Variants in ZNF518B observed in about 807,000 individuals in gnomAD.
ZNF518B encodes zinc finger protein 518B.
ZNF518B carries 23 observed loss-of-function variants against 56.3 expected under a neutral mutation model. The observed-to-expected ratio is 0.41, with a 90% CI of 0.29 to 0.58. The LOEUF is 0.58. ZNF518B is among the 20% of genes least tolerant of loss of function. ZNF518B has a pLI of 0.32. For missense variants in ZNF518B, 1,460 were observed against 1,272.1 expected, an observed-to-expected ratio of 1.15 and a Z score of -2.25; for synonymous variants, 529 against 465.9, an observed-to-expected ratio of 1.14 and a Z score of -1.74.
At chr4:10,453,825 C>G (rs1217134256) in intron 2 of ZNF518B, 1 of 152,112 alleles carries the variant, frequency 6.6e-6, no homozygotes, top group Non-Finnish European at 1.5e-5. Flanking sequence ...CCCATTAAAC[C>G]AGTAGTTCTT....
At position 10,445,004 on chromosome 4, in the gene ZNF518B, A is replaced by G; in HGVS notation, c.1325T>C (p.Met442Thr). The change falls in exon 3 of 3, where the codon ATG becomes ACG. Residue 442 changes from methionine (M) to threonine (T), a missense_variant. By Grantham distance (81) the Met-to-Thr change is moderately conservative (BLOSUM62 -1). Coordinates refer to ENST00000326756, the MANE Select transcript of ZNF518B (RefSeq NM_053042.3). The part of the protein sequence containing the change: ...VKWVRSYDFI[M>T]PNSSVHNNGK... ...ATTGTTGTGCACACTAGAATTTGGC[A>G]TAATAAAATCATAAGACCTTACCCA... The G allele has an allele frequency of 6.2e-7, 1 of 1,614,212 alleles. No homozygotes were observed. Among genetic ancestry groups the G allele is most frequent in the South Asian group, 1.1e-5 (1 of 91,078 alleles).
At position 10,445,360 on chromosome 4, in the gene ZNF518B, A is replaced by G. The variant is rs770875013; in HGVS notation, c.969T>C (p.Val323=). 2 of 1,614,236 alleles carry G rather than the reference A, an allele frequency of 1.2e-6. No homozygotes were observed. The highest frequency in any genetic ancestry group is 1.3e-5 in the African/African-American group (1 of 75,060). The change falls in exon 3 of 3, where the codon GTT becomes GTC. Residue 323 remains valine, a synonymous_variant. Transcript: ENST00000326756. ...CAACTGTCAATGGCATACCTGGCTG[A>G]ACAGGTTCTTTTGCAGGGGATAACA... ...VEVLSPAKEP[V]QPGMPLTVVA...
At chr4:10,453,154 A>G (rs1248964296) in intron 2 of ZNF518B, 1 of 152,244 alleles carries the variant, frequency 6.6e-6, no homozygotes, top group East Asian at 1.9e-4. Flanking sequence ...TATACAGCTG[A>G]TGTGAGGACA....
intron 2 of ZNF518B, chr4:10,451,109 T>G (rs901229162): frequency 1.3e-5 from 2 of 152,198 alleles, no homozygotes; most frequent in Non-Finnish European, 2.9e-5. Flanking sequence ...CCTGAATGCA[T>G]TCACTGTTGG....
intron 2 of ZNF518B, chr4:10,450,749 T>A (rs1253089941): frequency 6.6e-6 from 1 of 152,088 alleles, no homozygotes; most frequent in Admixed American, 6.5e-5. Context: ...ACTCAATAAA[T>A]TACTATTAAC....
intron 2 of ZNF518B, chr4:10,453,381 G>C (rs1037511787): frequency 6.6e-6 from 1 of 152,134 alleles, no homozygotes; most frequent in Non-Finnish European, 1.5e-5. Context: ...AGGAAGTGAG[G>C]GTCTTCTCCC....
chr4:10,444,325 C>T lies in ZNF518B; in HGVS notation c.2004G>A (p.Lys668=). The T allele has an allele frequency of 6.2e-7, 1 of 1,614,216 alleles. No homozygotes were observed. The highest frequency in any genetic ancestry group is 8.5e-7 in the Non-Finnish European group (1 of 1,180,036). Reference sequence around the variant, plus strand: ...CACAGGACTCAATTAACTGAGCTATCTTTCTGCGCAACAGTTCAATTGACT... The same window carrying T: ...CACAGGACTCAATTAACTGAGCTATTTTTCTGCGCAACAGTTCAATTGACT... ...KIKSIELLRR[K]IAQLIESCGK... is the part of the protein sequence containing the mutation. Residue 668 remains lysine (K), a synonymous_variant, in exon 3 of 3, where the codon AAG becomes AAA. Coordinates refer to ENST00000326756, the MANE Select transcript of ZNF518B (RefSeq NM_053042.3).
At chr4:10,458,625 G>C (rs1213173444), upstream of ZNF518B, among the ~76,000 whole-genome samples, 2 of 152,338 alleles carry the variant, frequency 1.3e-5, no homozygotes, top group African/African-American at 4.8e-5. Context: ...GTCCTGATCA[G>C]GGAGCTGCTA....
At position 10,446,081 on chromosome 4, in the gene ZNF518B, A is replaced by G. The variant is rs1215374863; in HGVS notation, c.248T>C (p.Met83Thr). ...GAGGCTGCACTGGAAGCAGACATACATACCGTCCTTCCCTGTACCCTTCTG... is the reference window on the plus strand; with the variant it reads ...GAGGCTGCACTGGAAGCAGACATACGTACCGTCCTTCCCTGTACCCTTCTG... Reference protein sequence around the residue: ...DLQKGTGKDGMYVCFQCSLGA... With the variant: ...DLQKGTGKDGTYVCFQCSLGA... The change falls in exon 3 of 3, where the codon ATG becomes ACG. Residue 83 changes from methionine (M) to threonine (T), a missense_variant. Coordinates refer to ENST00000326756, the MANE Select transcript of ZNF518B (RefSeq NM_053042.3). The G allele has an allele frequency of 3.1e-6, 5 of 1,614,192 alleles. No homozygotes were observed. The highest frequency in any genetic ancestry group is 1.7e-5 in the Admixed American group (1 of 60,030).
rs1714779423 is a variant in ZNF518B at position 10,443,455 on chromosome 4, A to G, written c.2874T>C (p.Asn958=). Residue 958 remains asparagine, a synonymous_variant, in exon 3 of 3, where the codon AAT becomes AAC. Coordinates refer to ENST00000326756, the MANE Select transcript of ZNF518B (RefSeq NM_053042.3). The stretch of plus-strand genomic sequence containing the variant: ...TGTATTTATTTATTACCTTCATCAC[A>G]TTGGTCACTTCTGGCGAGTCCACAT... ...HPDVDSPEVT[N]VMKVINKYKG... The G allele has an allele frequency of 1.2e-6, 2 of 1,614,114 alleles. No homozygotes were observed. The highest frequency in any genetic ancestry group is 1.3e-5 in the African/African-American group (1 of 75,002).
At chr4:10,459,000 T>TG (rs1715660108), upstream of ZNF518B, among the ~76,000 whole-genome samples, 1 of 152,224 alleles carries the variant, frequency 6.6e-6, no homozygotes, top group Admixed American at 6.5e-5. Context: ...GTAAGGTACC[T>TG]GTGGGTCTCC....
At position 10,444,147 on chromosome 4, in the gene ZNF518B, G is replaced by C; in HGVS notation, c.2182C>G (p.Pro728Ala). Reference protein sequence around the residue: ...GHSTGTLQKPPNDGGITGNRQ... With the variant: ...GHSTGTLQKPANDGGITGNRQ... ...TTACCAGTAATACCACCATCATTCG[G>C]AGGTTTCTGAAGAGTACCTGTGGAA... Residue 728 changes from proline to alanine, a missense_variant, in exon 3 of 3, where the codon CCG becomes GCG. Coordinates refer to ENST00000326756, the MANE Select transcript of ZNF518B (RefSeq NM_053042.3). 1.2e-6 allele frequency: 2 copies of C among 1,614,196 alleles called. No homozygotes were observed. Among genetic ancestry groups the C allele is most frequent in the Non-Finnish European group, 8.5e-7 (1 of 1,180,046 alleles).
Position 10,446,162 on chromosome 4 carries a change from GTCA to G in ZNF518B, c.164_166del (p.Met55del). On this transcript the variant is annotated inframe_deletion, in exon 3 of 3. Coordinates refer to ENST00000326756, the MANE Select transcript of ZNF518B (RefSeq NM_053042.3). Reference sequence around the variant, plus strand: ...TTTGCACTTTGCACATGTAGCAATGGTCATCATGGCAGCCTCTGCCTCTGAGCC... The same window carrying G: ...TTTGCACTTTGCACATGTAGCAATGGTCATGGCAGCCTCTGCCTCTGAGCC... The G allele has an allele frequency of 1.2e-6, 2 of 1,614,162 alleles. No homozygotes were observed. The highest frequency in any genetic ancestry group is 1.1e-5 in the South Asian group (1 of 91,080).
chr4:10,454,487 T>C (rs1715451157), intron 2 of ZNF518B: 2 of 152,186 alleles, frequency 1.3e-5, no homozygotes, highest in Admixed American at 6.5e-5. Flanking sequence ...GTTCTATCAA[T>C]GATCTGATCA....
chr4:10,444,451 G>A lies in ZNF518B; in HGVS notation c.1878C>T (p.Asn626=), dbSNP rs758441535. The change falls in exon 3 of 3, where the codon AAC becomes AAT. Residue 626 remains asparagine (N), a synonymous_variant. Coordinates refer to ENST00000326756, the MANE Select transcript of ZNF518B (RefSeq NM_053042.3). ...ATGAGATGACTGGGCCATCATTAGT[G>A]TTGTTAGTCCTTTCAGAATTCTTTA... The part of the protein sequence containing the change: ...LELKNSERTN[N]TNDGPVISSV... 1.9e-5 allele frequency: 31 copies of A among 1,614,080 alleles called. No individual in the cohort carries two copies. The highest frequency in any genetic ancestry group is 2.5e-5 in the Non-Finnish European group (30 of 1,180,038).
At chr4:10,451,567 T>A (rs989635884) in intron 2 of ZNF518B, 6 of 152,206 alleles carry the variant, frequency 3.9e-5, no homozygotes, top group African/African-American at 1.4e-4. Context: ...TTTTTTAATT[T>A]AAAAAAATAC....
rs1714609864 is a variant in ZNF518B at position 10,440,197 on chromosome 4, A to G, written c.*2907T>C. 6.6e-6 allele frequency: 1 copy of G among 152,328 alleles called. No homozygotes were observed. Among genetic ancestry groups the G allele is most frequent in the South Asian group, 2.1e-4 (1 of 4,834 alleles). 9.4% of individuals were successfully genotyped at this position (152,328 alleles called of 1,614,324 possible). On this transcript the variant is annotated 3_prime_UTR_variant, in exon 3 of 3. Coordinates refer to ENST00000326756, the MANE Select transcript of ZNF518B (RefSeq NM_053042.3). ...TGTTCAGTCTAGTTCAACAGACAGC[A>G]GGTGGCCCTTAATGAAGGCTTACAA...
Position 10,445,756 on chromosome 4 carries a change from C to A in ZNF518B, c.573G>T (p.Gln191His), listed in dbSNP as rs1353710292. ...TAGCACCATAGTCACAATACTCACA[C>A]TGATAAGGAAATATGCCTGTGTGTT... ...LVKHTGIFPY[Q>H]CEYCDYGAIR... The change falls in exon 3 of 3, where the codon CAG (glutamine) becomes CAT (histidine). Residue 191 changes from glutamine (Q) to histidine (H), a missense_variant. By Grantham distance (24) the Gln-to-His change is conservative. Transcript: ENST00000326756. 6.2e-7 allele frequency: 1 copy of A among 1,614,228 alleles called. No homozygotes were observed. Among genetic ancestry groups the A allele is most frequent in the Admixed American group, 1.7e-5 (1 of 60,026 alleles).
upstream of ZNF518B, among the ~76,000 whole-genome samples, chr4:10,459,804 A>G (rs1302268204): frequency 6.6e-6 from 1 of 152,194 alleles, no homozygotes; most frequent in African/African-American, 2.4e-5. Context: ...CAGAGGGAGC[A>G]TGGCCCTGTG....
Sources: allele counts gnomAD v4.1 joint callset (sites outside exome capture counted in the v4.1 genomes callset), GRCh38; gene constraint gnomAD v4.1.1; transcripts MANE v1.5; gene names NCBI Gene and HGNC (gene_info 2026-07-23, HGNC 2026-07-21).